The following FBXO10 variants were observed in gnomAD, a reference collection of about 807,000 sequenced individuals.
FBXO10 encodes the protein F-box protein 10, also known as F-box only protein 10.
A neutral mutation model predicts 80.7 loss-of-function variants in FBXO10; 39 were observed. The observed-to-expected ratio is 0.48, with a 90% CI of 0.37 to 0.63. The LOEUF (loss-of-function observed/expected upper bound fraction) is 0.63, where lower values mean the gene tolerates loss of function less well. Among genes scored for constraint, FBXO10 ranks in the 30% least tolerant of loss-of-function variants. The pLI, the probability that FBXO10 is intolerant of heterozygous loss-of-function variation, is 0.00. For missense variants in FBXO10, 1,025 were observed against 1,269.0 expected (o/e 0.81, Z 2.92); for synonymous variants, 449 against 489.6 (o/e 0.92, Z 1.09).
intron 1 of FBXO10, 28 bp from the exon 2 acceptor site, chr9:37,541,802 A>T (rs751524420): frequency 6.6e-7 from 1 of 1,509,266 alleles, no homozygotes; most frequent in Non-Finnish European, 8.9e-7. Flanking sequence ...AACAAAAGAG[A>T]TTTCTGTCTA....
chr9:37,531,896 G>T lies in FBXO10; in HGVS notation c.1569+13C>A. 1 of 1,612,306 alleles carries T rather than the reference G, an allele frequency of 6.2e-7. No homozygotes were observed. Among genetic ancestry groups the T allele is most frequent in the South Asian group, 1.1e-5 (1 of 90,934 alleles). On this transcript the variant is annotated intron_variant, in intron 4 of 10. Coordinates refer to ENST00000432825, the MANE Select transcript of FBXO10 (RefSeq NM_012166.3). ...CCAAGAGTCACCCTGAATAGGGAAC[G>T]AACACAAAGTACCAGTATGAGTGGG...
intron 5 of FBXO10, among the ~76,000 whole-genome samples, chr9:37,526,821 TTTTATTTA>T (rs57803639): frequency 0.23 from 32,315 of 139,590 alleles, 3,788 homozygotes; most frequent in East Asian, 0.27. Context: ...TTTTAAAATA[TTTTATTTA>T]TTTATTTATT....
At chr9:37,538,686 C>T (rs1458919142) in intron 2 of FBXO10, among the ~76,000 whole-genome samples, 6 of 132,162 alleles carry the variant, frequency 4.5e-5, no homozygotes, top group South Asian at 2.3e-4. Flanking sequence ...CCAGCCTGGG[C>T]GAAAGAGCAA....
intron 10 of FBXO10, 97 bp from the exon 11 acceptor site, chr9:37,512,818 TC>T: frequency 7.9e-7 from 1 of 1,267,034 alleles, no homozygotes; most frequent in Non-Finnish European, 1.1e-6. Flanking sequence ...GATCGGTGGA[TC>T]CAGGTGTTTA....
chr9:37,574,954 A>G (rs942776995), intron 1 of FBXO10, among the ~76,000 whole-genome samples: 13 of 152,192 alleles, frequency 8.5e-5, no homozygotes, highest in African/African-American at 2.9e-4. Context: ...GAGGGAAAGC[A>G]CAGTGCCTGG....
Position 37,529,166 on chromosome 9 carries a change from T to A in FBXO10, c.1664A>T (p.Glu555Val), listed in dbSNP as rs1821552750. The A allele has an allele frequency of 6.2e-7, 1 of 1,613,974 alleles. No individual in the cohort carries two copies. Among genetic ancestry groups the A allele is most frequent in the Non-Finnish European group, 8.5e-7 (1 of 1,179,896 alleles). The change falls in exon 5 of 11, where the codon GAG becomes GTG. Residue 555 changes from glutamate (E) to valine (V), a missense_variant. Glu to Val is a moderately radical substitution (Grantham distance 121). Coordinates refer to ENST00000432825, the MANE Select transcript of FBXO10 (RefSeq NM_012166.3). ...IRNNQIFSNK[E>V]AGIYILYHGN... Reference sequence around the variant, plus strand: ...GTGGTACAGGATGTAAATGCCAGCCTCCTTATTGGAAAAGATTTGATTGTT... The same window carrying A: ...GTGGTACAGGATGTAAATGCCAGCCACCTTATTGGAAAAGATTTGATTGTT...
Position 37,511,731 on chromosome 9 carries a change from G to A in FBXO10, c.*816C>T, listed in dbSNP as rs1564329467. The A allele has an allele frequency of 6.5e-6, 1 of 152,786 alleles. No individual in the cohort carries two copies. The highest frequency in any genetic ancestry group is 1.9e-4 in the East Asian group (1 of 5,198). The allele number at this position is 152,786 out of a possible 1,614,324, so 9.5% of individuals were successfully genotyped here. A position where few individuals can be genotyped will look rare whatever the true frequency, so the allele number is the denominator to read the frequency against. On this transcript the variant is annotated 3_prime_UTR_variant, in exon 11 of 11. Coordinates refer to ENST00000432825, the MANE Select transcript of FBXO10 (RefSeq NM_012166.3). ...TCAGTAAAGACCAGCGCTCATCCATGAGAACACAGATGCGAACGAGAGGCC... is the reference window on the plus strand; with the variant it reads ...TCAGTAAAGACCAGCGCTCATCCATAAGAACACAGATGCGAACGAGAGGCC...
chr9:37,550,694 G>A (rs1822178187), intron 1 of FBXO10, among the ~76,000 whole-genome samples: 1 of 152,092 alleles, frequency 6.6e-6, no homozygotes, highest in Non-Finnish European at 1.5e-5. Flanking sequence ...GGCCAGGCTG[G>A]TCTTGAACTC....
At chr9:37,554,360 G>A (rs185442598) in intron 1 of FBXO10, among the ~76,000 whole-genome samples, 7 of 152,190 alleles carry the variant, frequency 4.6e-5, no homozygotes, top group African/African-American at 1.7e-4. Flanking sequence ...TTTTCATTCA[G>A]TGTAATTCGA....
intron 2 of FBXO10, among the ~76,000 whole-genome samples, chr9:37,540,193 T>TC (rs1821875040): frequency 7.3e-6 from 1 of 137,336 alleles, no homozygotes; most frequent in South Asian, 2.2e-4. Context: ...ATATATATGA[T>TC]TTTTTTTTTT....
chr9:37,554,984 G>C (rs1038128285), intron 1 of FBXO10, among the ~76,000 whole-genome samples: 5 of 152,106 alleles, frequency 3.3e-5, no homozygotes, highest in Non-Finnish European at 5.9e-5. Context: ...TCTTTTCCCA[G>C]AGAGGCTATA....
rs187304534 is a variant in FBXO10, at chr9:37,525,098, G to T, written c.1777+4C>A. The T allele has an allele frequency of 5.8e-6, 9 of 1,558,084 alleles. No individual in the cohort carries two copies. The highest frequency in any genetic ancestry group is 7.8e-6 in the Non-Finnish European group (9 of 1,150,858). ...GCCAGGTGCCAGGCAGTTCCCATCC[G>T]TACCTGTGATGAGGCCTTTGCCGTT... is the stretch of plus-strand genomic sequence containing the variant. On this transcript the variant is annotated splice_donor_region_variant and intron_variant, in intron 6 of 10. Transcript: ENST00000432825.
intron 5 of FBXO10, among the ~76,000 whole-genome samples, chr9:37,526,256 T>C (rs1821468854): frequency 6.6e-6 from 1 of 152,094 alleles, no homozygotes; most frequent in African/African-American, 2.4e-5. Flanking sequence ...ATATAACATA[T>C]AAAAAGACAA....
At position 37,518,337 on chromosome 9, in the gene FBXO10, G is replaced by A; in HGVS notation, c.2302C>T (p.Pro768Ser). 1.9e-6 allele frequency: 3 copies of A among 1,614,046 alleles called. No homozygotes were observed. Among genetic ancestry groups the A allele is most frequent in the Middle Eastern group, 1.6e-4 (1 of 6,062 alleles). Reference sequence around the variant, plus strand: ...ATGCTGTTGTTGGCCACTCGGGTGGGTTGGCTGCTCTGGGCCACAGTAATG... The same window carrying A: ...ATGCTGTTGTTGGCCACTCGGGTGGATTGGCTGCTCTGGGCCACAGTAATG... ...RGITVAQSSQ[P>S]TRVANNSISC... is the part of the protein sequence containing the mutation. Residue 768 changes from proline to serine, a missense_variant, in exon 9 of 11, where the codon CCC becomes TCC. Coordinates refer to ENST00000432825, the MANE Select transcript of FBXO10 (RefSeq NM_012166.3).
In FBXO10 at chr9:37,553,916, C is replaced by CAAAA. The variant is rs71494669; in HGVS notation, c.-6-12146_-6-12143dup. ...GGGCAAAAAGAGCGAAAGTCTGCCT[C>CAAAA]AAAAAAAAAAAAAAAAAAAAAAAGA... On this transcript the variant is annotated intron_variant, in intron 1 of 10. Transcript: ENST00000432825. Among the ~76,000 whole-genome samples, 350 of 63,254 alleles carry CAAAA rather than the reference C, an allele frequency of 5.5e-3. 1 individual carries two copies. Among genetic ancestry groups the CAAAA allele is most frequent in the African/African-American group, 9.5e-3 (145 of 15,202 alleles). The allele number at this position is 63,254 out of a possible 152,430, so 41.5% of individuals were successfully genotyped here.
At chr9:37,527,121 G>C (rs1222123348) in intron 5 of FBXO10, among the ~76,000 whole-genome samples, 1 of 152,146 alleles carries the variant, frequency 6.6e-6, no homozygotes, top group African/African-American at 2.4e-5. Flanking sequence ...AAAGTGTTGG[G>C]ATTACAGGCA....
intron 1 of FBXO10, among the ~76,000 whole-genome samples, chr9:37,542,531 G>C (rs1285206665): frequency 6.7e-6 from 1 of 148,294 alleles, no homozygotes. Context: ...GGGAGGCAGG[G>C]ATTGCAGTGA....
intron 1 of FBXO10, among the ~76,000 whole-genome samples, chr9:37,559,068 C>T (rs558509119): frequency 5.3e-5 from 8 of 152,276 alleles, no homozygotes; most frequent in African/African-American, 1.7e-4. Context: ...CTCGGCCTCC[C>T]AGAGTGCTGG....
At chr9:37,513,450 A>G (rs1821111653) in intron 10 of FBXO10, among the ~76,000 whole-genome samples, 1 of 152,200 alleles carries the variant, frequency 6.6e-6, no homozygotes, top group Non-Finnish European at 1.5e-5. Context: ...CTACTCAGCA[A>G]TTGAAAGGAA....
Sources: allele counts gnomAD v4.1 joint callset (sites outside exome capture counted in the v4.1 genomes callset), GRCh38; gene constraint gnomAD v4.1.1; transcripts MANE v1.5; gene names NCBI Gene and HGNC (gene_info 2026-07-23, HGNC 2026-07-21).